Variants in DAB1 observed in about 807,000 individuals in gnomAD.
The protein encoded by DAB1 is DAB adaptor protein 1, also known as disabled homolog 1.
DAB1 carries 15 observed loss-of-function variants against 64.6 expected under a neutral mutation model. The observed-to-expected ratio is 0.23, with a 90% CI of 0.16 to 0.36. The LOEUF (loss-of-function observed/expected upper bound fraction) is 0.36. Ranked by LOEUF, DAB1 falls within the 10% of genes least tolerant of loss-of-function variation. The pLI is 1.00. For missense variants in DAB1, 596 were observed against 706.7 expected, an observed-to-expected ratio of 0.84 and a Z score of 1.78; for synonymous variants, 235 against 251.9, an observed-to-expected ratio of 0.93 and a Z score of 0.64.
intron 5 of DAB1, among the ~76,000 whole-genome samples, chr1:58,149,230 A>C (rs994515696): frequency 2.6e-5 from 4 of 152,184 alleles, no homozygotes; most frequent in Non-Finnish European, 5.9e-5. Context: ...AGGTATGAAC[A>C]AAAAATTCTC....
At chr1:58,036,096 G>C (rs770219792) in intron 5 of DAB1, among the ~76,000 whole-genome samples, 4 of 152,168 alleles carry the variant, frequency 2.6e-5, no homozygotes, top group African/African-American at 9.7e-5. Flanking sequence ...TGAGATGGTC[G>C]GGAAACCGGG....
intron 5 of DAB1, among the ~76,000 whole-genome samples, chr1:58,141,867 G>A (rs1466463170): frequency 2.0e-5 from 3 of 152,150 alleles, no homozygotes; most frequent in African/African-American, 7.2e-5. Context: ...AGAATTACAA[G>A]TAATTCTTTT....
At chr1:57,375,543 A>C (rs1380531242) in intron 1 of DAB1, among the ~76,000 whole-genome samples, 1 of 152,226 alleles carries the variant, frequency 6.6e-6, no homozygotes, top group Non-Finnish European at 1.5e-5. Context: ...CCTGGGACAC[A>C]GAAATATATG....
At chr1:57,735,850 C>A (rs1647667250) in intron 6 of DAB1, among the ~76,000 whole-genome samples, 1 of 152,026 alleles carries the variant, frequency 6.6e-6, no homozygotes, top group African/African-American at 2.4e-5. Context: ...ATCAGTAAAT[C>A]CAGTCTACTT....
intron 5 of DAB1, chr1:58,048,310 C>A (rs1647378296): frequency 1.3e-5 from 15 of 1,192,596 alleles, no homozygotes; most frequent in Non-Finnish European, 1.7e-5. Context: ...CTCCCCCCTT[C>A]ATGGGTCCAA....
At chr1:58,435,150 G>A (rs1029080663) in intron 3 of DAB1, among the ~76,000 whole-genome samples, 2 of 152,168 alleles carry the variant, frequency 1.3e-5, no homozygotes, top group Non-Finnish European at 2.9e-5. Flanking sequence ...TGGGCAGGAG[G>A]AGAGCAGTCA....
At chr1:57,011,502 G>A (rs772737389) in intron 12 of DAB1, among the ~76,000 whole-genome samples, 11 of 152,272 alleles carry the variant, frequency 7.2e-5, no homozygotes, top group Middle Eastern at 3.4e-3. Context: ...TAAGGCAGTG[G>A]TTCTCAAAGG....
At chr1:58,295,202 A>C (rs1348442482) in intron 4 of DAB1, among the ~76,000 whole-genome samples, 1 of 152,140 alleles carries the variant, frequency 6.6e-6, no homozygotes, top group East Asian at 1.9e-4. Context: ...TTTTATTCAC[A>C]GAACTCCCAT....
intron 1 of DAB1, among the ~76,000 whole-genome samples, chr1:57,312,876 G>C (rs939989519): frequency 6.6e-6 from 1 of 151,926 alleles, no homozygotes; most frequent in Non-Finnish European, 1.5e-5. Flanking sequence ...GAGTTCCAGG[G>C]GGACGGTTCC....
intron 2 of DAB1, among the ~76,000 whole-genome samples, chr1:57,153,056 C>T (rs1659846366): frequency 6.6e-6 from 1 of 152,154 alleles, no homozygotes; most frequent in Admixed American, 6.6e-5. Flanking sequence ...GGCAGAATCT[C>T]ACTCTGTCAT....
chr1:57,485,501 T>G (rs781610051), intron 7 of DAB1, among the ~76,000 whole-genome samples: 7 of 152,186 alleles, frequency 4.6e-5, no homozygotes, highest in Non-Finnish European at 1.0e-4. Context: ...TGATTCATAT[T>G]TGTGCTGATG....
intron 4 of DAB1, among the ~76,000 whole-genome samples, chr1:58,180,223 T>C (rs1019703008): frequency 2.4e-4 from 37 of 151,602 alleles, no homozygotes; most frequent in African/African-American, 8.2e-4. Flanking sequence ...TTCTAGTTTT[T>C]TTAAGTGGAA....
chr1:58,420,787 T>C (rs116457544), intron 3 of DAB1, among the ~76,000 whole-genome samples: 81 of 152,274 alleles, frequency 5.3e-4, no homozygotes, highest in African/African-American at 1.9e-3. Flanking sequence ...TCCCTCTACC[T>C]TGGACTTTGA....
intron 5 of DAB1, among the ~76,000 whole-genome samples, chr1:58,141,576 C>T (rs988357806): frequency 1.3e-5 from 2 of 152,184 alleles, no homozygotes; most frequent in East Asian, 3.9e-4. Context: ...AGCTCACTCT[C>T]TCCAAGGGAA....
chr1:57,289,924 TAAA>T (rs1183608932), intron 2 of DAB1, among the ~76,000 whole-genome samples: 1 of 152,176 alleles, frequency 6.6e-6, no homozygotes, highest in Non-Finnish European at 1.5e-5. Context: ...AACATGGTCC[TAAA>T]GCCATGGGGC....
intron 6 of DAB1, among the ~76,000 whole-genome samples, chr1:57,804,892 C>A (rs1343821727): frequency 3.3e-5 from 5 of 152,148 alleles, no homozygotes; most frequent in African/African-American, 1.2e-4. Context: ...CAGATCCCTG[C>A]AATTATTCAA....
chr1:58,206,151 T>G (rs1658269397), intron 4 of DAB1, among the ~76,000 whole-genome samples: 1 of 152,280 alleles, frequency 6.6e-6, no homozygotes, highest in East Asian at 1.9e-4. Context: ...CGGCTTGGTT[T>G]TATACATTTT....
At chr1:57,047,003 C>T (rs894665013) in intron 9 of DAB1, among the ~76,000 whole-genome samples, 8 of 152,218 alleles carry the variant, frequency 5.3e-5, no homozygotes, top group Non-Finnish European at 1.0e-4. Context: ...ATATTTATGC[C>T]TATTGCCCTG....
At chr1:57,727,314 T>C (rs980868986) in intron 6 of DAB1, among the ~76,000 whole-genome samples, 4 of 152,232 alleles carry the variant, frequency 2.6e-5, no homozygotes, top group Non-Finnish European at 4.4e-5. Flanking sequence ...CTAACCATAA[T>C]TGATGTGTTA....
Sources: allele counts gnomAD v4.1 joint callset (sites outside exome capture counted in the v4.1 genomes callset), GRCh38; gene constraint gnomAD v4.1.1; transcripts MANE v1.5; gene names NCBI Gene and HGNC (gene_info 2026-07-23, HGNC 2026-07-21).